Variants in KANSL1L observed in about 807,000 individuals in gnomAD.
The protein encoded by KANSL1L is KAT8 regulatory NSL complex subunit 1-like protein.
A neutral mutation model predicts 108.6 loss-of-function variants in KANSL1L; 25 were observed. That is an observed-to-expected ratio of 0.23 (90% CI 0.17 to 0.32). The LOEUF (loss-of-function observed/expected upper bound fraction) is 0.32. Among genes scored for constraint, KANSL1L ranks in the 10% least tolerant of loss-of-function variants. KANSL1L has a pLI of 1.00. For synonymous variants in KANSL1L, 405 were observed against 395.1 expected, an observed-to-expected ratio of 1.03 and a Z score of -0.30; for missense variants, 1,137 against 1,125.7, an observed-to-expected ratio of 1.01 and a Z score of -0.14.
chr2:210,069,742 C>T (rs1342155722), intron 6 of KANSL1L, among the ~76,000 whole-genome samples: 1 of 140,174 alleles, frequency 7.1e-6, no homozygotes, highest in African/African-American at 2.6e-5. Context: ...TTTACTTTTT[C>T]TGCCAACACC....
intron 5 of KANSL1L, among the ~76,000 whole-genome samples, chr2:210,095,993 G>A (rs963993905): frequency 6.6e-6 from 1 of 152,060 alleles, no homozygotes; most frequent in Non-Finnish European, 1.5e-5. Context: ...TTCAAAAAAC[G>A]TGAAGAACAA....
intron 2 of KANSL1L, among the ~76,000 whole-genome samples, chr2:210,150,643 G>A (rs930640188): frequency 2.6e-5 from 4 of 151,844 alleles, no homozygotes; most frequent in Admixed American, 6.6e-5. Flanking sequence ...TTAGCTGGGC[G>A]TGGTGGTGCA....
At position 210,055,202 on chromosome 2, in the gene KANSL1L, G is replaced by A. The variant is rs570242337; in HGVS notation, c.1756-11098C>T. On this transcript the variant is annotated intron_variant, in intron 6 of 14. Transcript: ENST00000281772. Reference sequence around the variant, plus strand: ...GCTTGGTATTTCTTCTTGCCGCCACGTGAAGAAGTACATGTTTGCTTCCCC... The same window carrying A: ...GCTTGGTATTTCTTCTTGCCGCCACATGAAGAAGTACATGTTTGCTTCCCC... Among the ~76,000 whole-genome samples the A allele has an allele frequency of 9.8e-5, 15 of 152,296 alleles. No individual in the cohort carries two copies. The South Asian group carries it at 2.1e-3, about 21-fold the overall frequency.
At chr2:210,132,531 G>C (rs570002979) in intron 2 of KANSL1L, among the ~76,000 whole-genome samples, 2 of 152,244 alleles carry the variant, frequency 1.3e-5, no homozygotes, top group South Asian at 4.1e-4. Context: ...TCCCATCCTT[G>C]CTTGCTTGCA....
intron 2 of KANSL1L, among the ~76,000 whole-genome samples, chr2:210,131,020 T>G (rs1306099111): frequency 6.6e-6 from 1 of 152,166 alleles, no homozygotes; most frequent in Non-Finnish European, 1.5e-5. Flanking sequence ...GGCTTATGCA[T>G]TTATGTTGGA....
chr2:210,026,164 T>G (rs752947557), intron 12 of KANSL1L, among the ~76,000 whole-genome samples: 3 of 152,130 alleles, frequency 2.0e-5, no homozygotes, highest in Non-Finnish European at 4.4e-5. Context: ...TAAGGAAGAA[T>G]ACATTAGAAG....
intron 3 of KANSL1L, among the ~76,000 whole-genome samples, chr2:210,104,570 A>G (rs2094827797): frequency 6.6e-6 from 1 of 152,196 alleles, no homozygotes; most frequent in African/African-American, 2.4e-5. Flanking sequence ...ATTGGCATTA[A>G]AAGCATGACA....
intron 5 of KANSL1L, chr2:210,080,350 A>G (rs2094580158): frequency 6.6e-6 from 1 of 152,128 alleles, no homozygotes; most frequent in Non-Finnish European, 1.5e-5. Context: ...TCTGAGAAAG[A>G]AAACAAATTT....
chr2:210,116,921 AG>A (rs2094960545), intron 3 of KANSL1L, among the ~76,000 whole-genome samples: 1 of 152,226 alleles, frequency 6.6e-6, no homozygotes, highest in African/African-American at 2.4e-5. Context: ...AATGCCAGAG[AG>A]ACAGGGATGT....
intron 4 of KANSL1L, among the ~76,000 whole-genome samples, chr2:210,103,360 A>T (rs950571342): frequency 2.0e-5 from 3 of 152,152 alleles, no homozygotes; most frequent in Non-Finnish European, 4.4e-5. Context: ...TAGGAGATAG[A>T]CCTAATGTAA....
At chr2:210,079,648 A>ATATATATATGTATGTG (rs1553653242) in intron 5 of KANSL1L, among the ~76,000 whole-genome samples, 468 of 15,138 alleles carry the variant, frequency 0.031, 35 homozygotes, top group Middle Eastern at 0.062. Context: ...ATATATATAT[A>ATATATATATGTATGTG]TATATATATA....
At chr2:210,097,834 C>A in intron 5 of KANSL1L, 1 of 236,864 alleles carries the variant, frequency 4.2e-6, no homozygotes, top group Non-Finnish European at 8.2e-6. Context: ...ATGTTATCAC[C>A]ACTATTCTTT....
intron 6 of KANSL1L, among the ~76,000 whole-genome samples, chr2:210,046,577 T>A (rs1327985599): frequency 6.6e-6 from 1 of 152,048 alleles, no homozygotes; most frequent in Non-Finnish European, 1.5e-5. Flanking sequence ...CAAATTCCAT[T>A]AAACCTGAAG....
At chr2:210,133,724 C>G (rs539444077) in intron 2 of KANSL1L, among the ~76,000 whole-genome samples, 12 of 152,164 alleles carry the variant, frequency 7.9e-5, no homozygotes, top group African/African-American at 2.9e-4. Context: ...TAGCTGCATC[C>G]CTCAAATTCT....
chr2:210,031,366 GAATTTTT>G, intron 9 of KANSL1L, 48 bp downstream of exon 9: 1 of 1,308,148 alleles, frequency 7.6e-7, no homozygotes, highest in Non-Finnish European at 1.1e-6. Flanking sequence ...TTTAAAATCA[GAATTTTT>G]AATTTTTAAT....
At chr2:210,030,355 CAT>C (rs1298800857) in intron 9 of KANSL1L, among the ~76,000 whole-genome samples, 1 of 151,794 alleles carries the variant, frequency 6.6e-6, no homozygotes, top group African/African-American at 2.4e-5. Flanking sequence ...ATTATAAGTA[CAT>C]GTTTCCGAAA....
intron 2 of KANSL1L, among the ~76,000 whole-genome samples, chr2:210,136,165 T>C (rs552665847): frequency 1.7e-4 from 26 of 152,254 alleles, no homozygotes; most frequent in African/African-American, 6.0e-4. Context: ...CAATTCTGCC[T>C]AGAACTCTGG....
At chr2:210,111,384 T>C (rs573792461) in intron 3 of KANSL1L, among the ~76,000 whole-genome samples, 49 of 151,970 alleles carry the variant, frequency 3.2e-4, no homozygotes, top group African/African-American at 1.0e-3. Context: ...AAGAGCAAAA[T>C]AGAGATTAAT....
chr2:210,165,181 A>C (rs547765806), intron 1 of KANSL1L, among the ~76,000 whole-genome samples: 69 of 144,638 alleles, frequency 4.8e-4, no homozygotes, highest in African/African-American at 1.1e-3. Flanking sequence ...TTTACTAAAA[A>C]AAAAACCAAA....
Sources: gnomAD v4.1 joint callset for allele counts (sites outside exome capture counted in the v4.1 genomes callset) on GRCh38, gnomAD v4.1.1 for gene constraint, MANE v1.5 for transcripts, NCBI Gene and HGNC (gene_info 2026-07-23, HGNC 2026-07-21) for gene names.